Variants in TSPEAR observed in about 807,000 individuals in gnomAD.
The protein encoded by TSPEAR is thrombospondin type laminin G domain and EAR repeats, also known as thrombospondin-type laminin G domain and EAR repeat-containing protein.
TSPEAR carries 69 observed loss-of-function variants against 71.6 expected under a neutral mutation model. That is an observed-to-expected ratio of 0.96 (90% CI 0.79 to 1.18). The LOEUF (loss-of-function observed/expected upper bound fraction) is 1.18. Ranked by LOEUF, TSPEAR falls within the 50% of genes most tolerant of loss-of-function variation. TSPEAR has a pLI of 0.00. For missense variants in TSPEAR, 971 were observed against 894.9 expected (o/e 1.09, Z -1.09); for synonymous variants, 402 against 387.2 (o/e 1.04, Z -0.45).
rs1555915131 is a variant in TSPEAR at position 44,527,573 on chromosome 21, G to A, written c.923-55C>T. On this transcript the variant is annotated intron_variant, in intron 6 of 11. Coordinates refer to ENST00000323084, the MANE Select transcript of TSPEAR (RefSeq NM_144991.3). ...AGATTTCCGAGAACGGAAATCCAGA[G>A]CAATCCTCGCGGGAGCGCGATTCCC... 1.9e-6 allele frequency: 3 copies of A among 1,574,712 alleles called. No homozygotes were observed. In the East Asian group the frequency reaches 6.7e-5, roughly 35 times the overall value.
intron 1 of TSPEAR, among the ~76,000 whole-genome samples, chr21:44,577,263 A>G (rs957425209): frequency 6.6e-6 from 1 of 152,240 alleles, no homozygotes; most frequent in African/African-American, 2.4e-5. Flanking sequence ...ACTAGAAATA[A>G]TAAAATAATC....
At chr21:44,703,695 GGGAAAGAA>G (rs1555951862) in intron 1 of TSPEAR, among the ~76,000 whole-genome samples, 1 of 152,196 alleles carries the variant, frequency 6.6e-6, no homozygotes, top group East Asian at 1.9e-4. Flanking sequence ...AGAGGTCAGA[GGGAAAGAA>G]GCCAAAGGGT....
chr21:44,548,654 G>A (rs1045836084), intron 2 of TSPEAR, among the ~76,000 whole-genome samples: 1 of 152,218 alleles, frequency 6.6e-6, no homozygotes, highest in African/African-American at 2.4e-5. Context: ...AGGGGACGCT[G>A]GCCGGGGACG....
chr21:44,702,659 C>G, intron 1 of TSPEAR: 1 of 1,573,644 alleles, frequency 6.4e-7, no homozygotes, highest in Non-Finnish European at 8.7e-7. Context: ...TGCTGCATGC[C>G]CGTCCCCTCC....
intron 1 of TSPEAR, among the ~76,000 whole-genome samples, chr21:44,653,018 C>T (rs1984905834): frequency 6.6e-6 from 1 of 151,776 alleles, no homozygotes; most frequent in Non-Finnish European, 1.5e-5. Context: ...ATTAACCAAG[C>T]GTGGCGGCGG....
At chr21:44,515,606 A>C (rs1164501918) in intron 9 of TSPEAR, 3 of 152,220 alleles carry the variant, frequency 2.0e-5, no homozygotes, top group Non-Finnish European at 4.4e-5. Flanking sequence ...CCTTCTGAGG[A>C]TGCCCGTGCA....
At chr21:44,557,056 C>T (rs1243219910) in intron 2 of TSPEAR, among the ~76,000 whole-genome samples, 4 of 152,160 alleles carry the variant, frequency 2.6e-5, no homozygotes, top group East Asian at 1.9e-4. Flanking sequence ...GTGCATCTCG[C>T]GCTACCATAA....
chr21:44,560,057 A>G (rs2053610194), intron 2 of TSPEAR, among the ~76,000 whole-genome samples: 1 of 152,212 alleles, frequency 6.6e-6, no homozygotes, highest in Non-Finnish European at 1.5e-5. Flanking sequence ...ATGAAGAGTC[A>G]TGACCCGTCA....
intron 1 of TSPEAR, chr21:44,657,817 G>A: frequency 1.5e-6 from 1 of 684,584 alleles, no homozygotes; most frequent in Non-Finnish European, 2.5e-6. Flanking sequence ...GTACACGCGG[G>A]AAAATAAGAT....
intron 1 of TSPEAR, among the ~76,000 whole-genome samples, chr21:44,583,939 C>T (rs1979174905): frequency 6.6e-6 from 1 of 152,154 alleles, no homozygotes; most frequent in South Asian, 2.1e-4. Context: ...TCAACTGTCC[C>T]CGTGCTGCAC....
At chr21:44,573,649 A>G (rs1307403758) in intron 1 of TSPEAR, 25 of 1,525,736 alleles carry the variant, frequency 1.6e-5, no homozygotes, top group Non-Finnish European at 2.1e-5. Context: ...TCTGGACAAC[A>G]TGCACCAAGG....
chr21:44,650,170 C>T (rs1002607174), intron 1 of TSPEAR, among the ~76,000 whole-genome samples: 31 of 151,580 alleles, frequency 2.0e-4, no homozygotes, highest in Non-Finnish European at 4.1e-4. Flanking sequence ...GAGCCGTGAT[C>T]GCGCCACTGC....
At chr21:44,672,846 C>T (rs1474346128) in intron 1 of TSPEAR, among the ~76,000 whole-genome samples, 4 of 152,120 alleles carry the variant, frequency 2.6e-5, no homozygotes, top group Non-Finnish European at 5.9e-5. Flanking sequence ...GTAGCACCTC[C>T]CCCTTTTCTC....
intron 1 of TSPEAR, among the ~76,000 whole-genome samples, chr21:44,636,186 C>T (rs1377687980): frequency 1.3e-5 from 2 of 152,198 alleles, no homozygotes; most frequent in African/African-American, 4.8e-5. Context: ...GTCGTGGATG[C>T]TGAGCTGAGC....
intron 1 of TSPEAR, among the ~76,000 whole-genome samples, chr21:44,703,630 T>C (rs1425671426): frequency 6.6e-6 from 1 of 152,176 alleles, no homozygotes; most frequent in Non-Finnish European, 1.5e-5. Flanking sequence ...TGTTTGTGCT[T>C]GTGAAGGCTA....
chr21:44,697,188 C>T (rs782473031), intron 1 of TSPEAR: 129 of 1,610,936 alleles, frequency 8.0e-5, no homozygotes, highest in East Asian at 2.0e-4. Context: ...ACCCCCAGCA[C>T]GGCTGCATCC....
chr21:44,654,752 C>T, intron 1 of TSPEAR: 1 of 619,076 alleles, frequency 1.6e-6, no homozygotes, highest in Non-Finnish European at 2.9e-6. Context: ...GTTTTTCCTC[C>T]TCTGCCCTGT....
chr21:44,676,644 C>T lies in TSPEAR; in HGVS notation c.82+34789G>A. The T allele has an allele frequency of 3.9e-6, 3 of 767,496 alleles. No individual in the cohort carries two copies. In the South Asian group the frequency reaches 4.1e-5, roughly 10 times the overall value. 47.5% of individuals were successfully genotyped at this position (767,496 alleles called of 1,614,324 possible). On this transcript the variant is annotated intron_variant, in intron 1 of 11. Transcript: ENST00000323084. The stretch of plus-strand genomic sequence containing the variant: ...CATACTTCAATTCCTGTTCTTGAAC[C>T]CTAAGGACATCTCACAAGTGATCAG...
In TSPEAR at chr21:44,582,257, A is replaced by AT. The variant is rs112456811; in HGVS notation, c.83-14253dup. On this transcript the variant is annotated intron_variant, in intron 1 of 11. Coordinates refer to ENST00000323084, the MANE Select transcript of TSPEAR (RefSeq NM_144991.3). ...ACAGTTGCAGAAATGATGAGAGAAG[A>AT]TAAGTAACCTTGAAAGAGGACAGCT... is the stretch of plus-strand genomic sequence containing the variant. Among the ~76,000 whole-genome samples the AT allele has an allele frequency of 6.4e-3, 977 of 152,348 alleles. 17 individuals carry two copies. Among genetic ancestry groups the AT allele is most frequent in the African/African-American group, 0.022 (896 of 41,572 alleles).
Sources: gnomAD v4.1 joint callset for allele counts (sites outside exome capture counted in the v4.1 genomes callset) on GRCh38, gnomAD v4.1.1 for gene constraint, MANE v1.5 for transcripts, NCBI Gene and HGNC (gene_info 2026-07-23, HGNC 2026-07-21) for gene names.